PNPLA7: variants seen among roughly 807,000 people sequenced by gnomAD.
The protein encoded by PNPLA7 is patatin-like phospholipase domain-containing protein 7.
In PNPLA7, 153 loss-of-function variants were observed where a neutral mutation model predicts 161.7. The observed-to-expected ratio is 0.95, with a 90% CI of 0.83 to 1.08. The LOEUF (loss-of-function observed/expected upper bound fraction) is 1.08, where lower values mean the gene tolerates loss of function less well. Ranked by LOEUF, PNPLA7 falls within the 50% of genes least tolerant of loss-of-function variation. PNPLA7 has a pLI of 0.00. For missense variants in PNPLA7, 1,739 were observed against 1,856.6 expected (o/e 0.94, Z 1.16); for synonymous variants, 809 against 782.1 (o/e 1.03, Z -0.57).
At position 137,546,894 on chromosome 9, in the gene PNPLA7, G is replaced by C; in HGVS notation, c.209C>G (p.Thr70Ser). Reference sequence around the variant, plus strand: ...TCTCTTCCGGAACCGGTACTGAGGAGTGGGCTGTGCTTGTCCTGCAGGGGA... The same window carrying C: ...TCTCTTCCGGAACCGGTACTGAGGACTGGGCTGTGCTTGTCCTGCAGGGGA... ...RLRQFRQAQP[T>S]PQYRFRKRDK... The change falls in exon 4 of 35, where the codon ACT becomes AGT. Residue 70 changes from threonine (T) to serine (S), a missense_variant. By Grantham distance (58) the Thr-to-Ser change is moderately conservative. Coordinates refer to ENST00000406427, the MANE Select transcript of PNPLA7 (RefSeq NM_001098537.3). 1 of 1,613,928 alleles carries C rather than the reference G, an allele frequency of 6.2e-7. No individual in the cohort carries two copies. Among genetic ancestry groups the C allele is most frequent in the Non-Finnish European group, 8.5e-7 (1 of 1,179,986 alleles).
Position 137,460,477 on chromosome 9 carries a change from C to T in PNPLA7, c.3946-1G>A. 1 of 1,612,414 alleles carries T rather than the reference C, an allele frequency of 6.2e-7. No homozygotes were observed. The highest frequency in any genetic ancestry group is 1.1e-5 in the South Asian group (1 of 91,074). On this transcript the variant is annotated splice_acceptor_variant, in intron 34 of 34. Transcript: ENST00000406427. LOFTEE classifies it high-confidence loss of function. ...GATGCCGCAGTGAGGACTCGTCCTCCTGCAAGCAGACCGCATGTTCCAGGT... is the reference window on the plus strand; with the variant it reads ...GATGCCGCAGTGAGGACTCGTCCTCTTGCAAGCAGACCGCATGTTCCAGGT...
rs1046402939 is a variant in PNPLA7, at chr9:137,530,532, C to G, written c.748-7675G>C. On this transcript the variant is annotated intron_variant, in intron 8 of 34. Transcript: ENST00000406427. The stretch of plus-strand genomic sequence containing the variant: ...AAAACGAAAAAGCAGGAAGCAGAAC[C>G]CTCGTGGGTGGCGGCTCCACGATGA... Among the ~76,000 whole-genome samples, 3 of 152,318 alleles carry G rather than the reference C, an allele frequency of 2.0e-5. No homozygotes were observed. In the East Asian group the frequency reaches 5.8e-4, roughly 29 times the overall value.
Position 137,540,836 on chromosome 9 carries a change from G to T in PNPLA7, c.667-114C>A. ...GGCCACGGGCCTGCACCTCTGAGGCGCCATGAGAGCAGCAGGCACCTTGGA... is the reference window on the plus strand; with the variant it reads ...GGCCACGGGCCTGCACCTCTGAGGCTCCATGAGAGCAGCAGGCACCTTGGA... On this transcript the variant is annotated intron_variant, in intron 7 of 34. Transcript: ENST00000406427. The surrounding 1 kb of genome is among the most constrained non-coding windows in gnomAD (Gnocchi z 5.1). 1 of 873,136 alleles carries T rather than the reference G, an allele frequency of 1.1e-6. No homozygotes were observed. 54.1% of individuals were successfully genotyped at this position (873,136 alleles called of 1,614,324 possible). A position where few individuals can be genotyped will look rare whatever the true frequency, so the allele number is the denominator to read the frequency against.
intron 25 of PNPLA7, among the ~76,000 whole-genome samples, chr9:137,474,624 A>G (rs995198908): frequency 6.6e-6 from 1 of 152,202 alleles, no homozygotes; most frequent in Admixed American, 6.5e-5. Flanking sequence ...AAAATCTTCC[A>G]GAAAGTGGAA....
At chr9:137,462,116 G>T (rs1831238025) in intron 31 of PNPLA7, 63 bp downstream of exon 31, 1 of 1,520,876 alleles carries the variant, frequency 6.6e-7, no homozygotes, top group East Asian at 2.4e-5. Flanking sequence ...AGGGGGAAGC[G>T]AGGAGGGGCA....
chr9:137,546,489 GT>G (rs1836534809), intron 4 of PNPLA7, among the ~76,000 whole-genome samples: 1 of 152,098 alleles, frequency 6.6e-6, no homozygotes, highest in Non-Finnish European at 1.5e-5. Flanking sequence ...CACCGACCCT[GT>G]GGGGCTGGGC....
At chr9:137,509,387 A>ATGAGTGAGTTTAGCCGGCG (rs1177941115) in intron 12 of PNPLA7, 14 of 188,318 alleles carry the variant, frequency 7.4e-5, no homozygotes, top group Admixed American at 1.2e-4. Context: ...TTTAGCCGGT[A>ATGAGTGAGTTTAGCCGGCG]TGAGTGAGTT....
Position 137,478,332 on chromosome 9 carries a change from G to A in PNPLA7, c.2764-180C>T, listed in dbSNP as rs73567243. Reference sequence around the variant, plus strand: ...GTCAGCACCTCAGTGCCCGGACCGGGCCCCAGAGACAGCTCAGCTACTGGG... The same window carrying A: ...GTCAGCACCTCAGTGCCCGGACCGGACCCCAGAGACAGCTCAGCTACTGGG... On this transcript the variant is annotated intron_variant, in intron 24 of 34. Transcript: ENST00000406427. The A allele has an allele frequency of 4.5e-4, 197 of 433,550 alleles. 1 individual carries two copies. Among genetic ancestry groups the A allele is most frequent in the African/African-American group, 3.7e-3 (183 of 49,296 alleles). 26.9% of individuals were successfully genotyped at this position (433,550 alleles called of 1,614,324 possible). A position where few individuals can be genotyped will look rare whatever the true frequency, so the allele number is the denominator to read the frequency against.
At chr9:137,481,796 T>C (rs996600671) in intron 21 of PNPLA7, among the ~76,000 whole-genome samples, 3 of 151,962 alleles carry the variant, frequency 2.0e-5, no homozygotes, top group Non-Finnish European at 4.4e-5. Context: ...CTTAGCTGGG[T>C]GTGGTGGCGG....
chr9:137,502,060 G>C (rs1351891616), intron 14 of PNPLA7, among the ~76,000 whole-genome samples: 1 of 152,254 alleles, frequency 6.6e-6, no homozygotes, highest in Non-Finnish European at 1.5e-5. Flanking sequence ...TATAAGTGGT[G>C]CTGGCATAGC....
At chr9:137,471,781 A>G (rs1018666498) in intron 25 of PNPLA7, among the ~76,000 whole-genome samples, 3 of 151,888 alleles carry the variant, frequency 2.0e-5, no homozygotes, top group Non-Finnish European at 2.9e-5. Flanking sequence ...GGAAGGCTCA[A>G]TGTTGTCGAC....
At chr9:137,503,866 AG>A in intron 14 of PNPLA7, among the ~76,000 whole-genome samples, 1 of 95,024 alleles carries the variant, frequency 1.1e-5, no homozygotes, top group Non-Finnish European at 2.3e-5. Flanking sequence ...AAGAAGGAGG[AG>A]GAAGGAAGAA....
chr9:137,542,148 G>A (rs1246394957), intron 7 of PNPLA7, among the ~76,000 whole-genome samples: 2 of 152,098 alleles, frequency 1.3e-5, no homozygotes, highest in African/African-American at 4.8e-5. Flanking sequence ...ACTATCAAAG[G>A]GAGTATTCTG....
chr9:137,516,401 A>T (rs1248569929), intron 11 of PNPLA7: 4 of 984,640 alleles, frequency 4.1e-6, no homozygotes, highest in Non-Finnish European at 4.8e-6. Flanking sequence ...GCCCATGAGC[A>T]CCCCCGGCCC....
chr9:137,506,146 G>A, intron 12 of PNPLA7, 63 bp from the exon 13 acceptor site: 1 of 1,417,140 alleles, frequency 7.1e-7, no homozygotes, highest in Non-Finnish European at 9.8e-7. Context: ...CGTCCGCGGT[G>A]TGGGCTGAGC....
At chr9:137,510,179 C>T (rs1834143485) in intron 12 of PNPLA7, among the ~76,000 whole-genome samples, 1 of 152,164 alleles carries the variant, frequency 6.6e-6, no homozygotes, top group African/African-American at 2.4e-5. Flanking sequence ...CGCTACTTAG[C>T]AGACCGGGAA....
At chr9:137,495,394 C>T (rs1282112249) in intron 18 of PNPLA7, among the ~76,000 whole-genome samples, 2 of 152,192 alleles carry the variant, frequency 1.3e-5, no homozygotes, top group Admixed American at 6.5e-5. Flanking sequence ...CAGGCTGGAA[C>T]AAGGGCAGCC....
At chr9:137,501,758 G>A (rs1177513467) in intron 14 of PNPLA7, 31 bp from the exon 15 acceptor site, 1 of 1,604,510 alleles carries the variant, frequency 6.2e-7, no homozygotes, top group Non-Finnish European at 8.5e-7. Context: ...AGGGAACACG[G>A]GCGGGAAGCA....
At chr9:137,496,550 A>T (rs1477774289) in intron 18 of PNPLA7, among the ~76,000 whole-genome samples, 1 of 151,978 alleles carries the variant, frequency 6.6e-6, no homozygotes, top group Non-Finnish European at 1.5e-5. Flanking sequence ...CATCTCTACT[A>T]AAAATACAAA....
Sources: gnomAD v4.1 joint callset for allele counts (sites outside exome capture counted in the v4.1 genomes callset) on GRCh38, gnomAD v4.1.1 for gene constraint, Gnocchi (gnomAD v3.1) non-coding constraint, MANE v1.5 for transcripts, NCBI Gene and HGNC (gene_info 2026-07-23, HGNC 2026-07-21) for gene names.